Variants in ADAM7 observed in about 807,000 individuals in gnomAD.
ADAM7 encodes ADAM metallopeptidase domain 7.
In ADAM7, 97 loss-of-function variants were observed where a neutral mutation model predicts 102.9. That is an observed-to-expected ratio of 0.94 (90% CI 0.80 to 1.12). The LOEUF is 1.12. Ranked by LOEUF, ADAM7 falls within the 50% of genes most tolerant of loss-of-function variation. The pLI, the probability that ADAM7 is intolerant of heterozygous loss-of-function variation, is 0.00. For synonymous variants in ADAM7, 334 were observed against 304.4 expected, an observed-to-expected ratio of 1.10 and a Z score of -1.01; for missense variants, 991 against 908.7, an observed-to-expected ratio of 1.09 and a Z score of -1.16.
At chr8:24,485,481 A>C in intron 10 of ADAM7, 120 bp downstream of exon 10, 4 of 743,558 alleles carry the variant, frequency 5.4e-6, no homozygotes, top group Non-Finnish European at 8.5e-6. Context: ...AAGATATGTC[A>C]TGAACAGACT....
At chr8:24,493,327 G>A in intron 16 of ADAM7, 98 bp downstream of exon 16, 1 of 1,065,828 alleles carries the variant, frequency 9.4e-7, no homozygotes, top group Non-Finnish European at 1.3e-6. Context: ...TCTAGATATG[G>A]AAAAGGAAAA....
intron 9 of ADAM7, among the ~76,000 whole-genome samples, chr8:24,483,350 A>G (rs563258556): frequency 1.9e-4 from 29 of 152,328 alleles, no homozygotes; most frequent in African/African-American, 6.5e-4. Flanking sequence ...GAGCGATGCC[A>G]TCTTTTAGAA....
intron 16 of ADAM7, among the ~76,000 whole-genome samples, chr8:24,496,964 T>G (rs909228487): frequency 1.3e-5 from 2 of 152,194 alleles, no homozygotes; most frequent in East Asian, 3.9e-4. Context: ...AGGGACGGAA[T>G]GATGTGGTTT....
In ADAM7 at chr8:24,447,261, A is replaced by G; in HGVS notation, c.232A>G (p.Arg78Gly). 2 of 1,511,336 alleles carry G rather than the reference A, an allele frequency of 1.3e-6. No homozygotes were observed. Among genetic ancestry groups the G allele is most frequent in the Non-Finnish European group, 1.8e-6 (2 of 1,106,634 alleles). 93.6% of individuals were successfully genotyped at this position (1,511,336 alleles called of 1,614,324 possible). ...KTLVLHLLRS[R>G]EFLGSNYSET... Reference sequence around the variant, plus strand: ...CTTAGTCCTTCATCTTCTAAGATCCAGGTAAGTTCTATTGTGATTCCAGTA... The same window carrying G: ...CTTAGTCCTTCATCTTCTAAGATCCGGGTAAGTTCTATTGTGATTCCAGTA... The change falls in exon 3 of 22, where the codon AGG (arginine) becomes GGG (glycine). Residue 78 changes from arginine to glycine, a missense_variant and splice_region_variant. Arg to Gly is a moderately radical substitution (Grantham distance 125). Transcript: ENST00000175238.
At chr8:24,489,562 G>A (rs1210657896) in intron 12 of ADAM7, among the ~76,000 whole-genome samples, 1 of 152,148 alleles carries the variant, frequency 6.6e-6, no homozygotes, top group Non-Finnish European at 1.5e-5. Context: ...GAGATCAGCA[G>A]CATCAGCTTT....
chr8:24,444,561 T>C (rs1818483773), intron 2 of ADAM7, among the ~76,000 whole-genome samples: 2 of 152,054 alleles, frequency 1.3e-5, no homozygotes, highest in South Asian at 4.1e-4. Context: ...TTTTCTATTA[T>C]GGCTCTCACC....
intron 7 of ADAM7, among the ~76,000 whole-genome samples, chr8:24,471,477 T>TTTG (rs1554540740): frequency 1.3e-5 from 2 of 151,438 alleles, no homozygotes; most frequent in African/African-American, 4.8e-5. Context: ...TTTTTTTTTT[T>TTTG]GTCATTTATA....
rs777916485 is a variant in ADAM7, at chr8:24,493,128, C to A, written c.1741C>A (p.Pro581Thr). ...GEDKTYHLKD[P>T]QKNATVKCKT... Reference sequence around the variant, plus strand: ...AGACAAGACTTATCACCTTAAGGATCCCCAGAAGAATGCTACTGTCAAATG... The same window carrying A: ...AGACAAGACTTATCACCTTAAGGATACCCAGAAGAATGCTACTGTCAAATG... Residue 581 changes from proline (P) to threonine (T), a missense_variant, in exon 16 of 22, where the codon CCC (proline) becomes ACC (threonine). Transcript: ENST00000175238. The A allele has an allele frequency of 7.4e-6, 12 of 1,613,330 alleles. No individual in the cohort carries two copies. Among genetic ancestry groups the A allele is most frequent in the South Asian group, 1.1e-5 (1 of 90,958 alleles).
chr8:24,450,861 G>T (rs7463259), intron 3 of ADAM7, among the ~76,000 whole-genome samples: 6 of 151,910 alleles, frequency 3.9e-5, no homozygotes, highest in African/African-American at 4.8e-5. Flanking sequence ...TAGCATGAAG[G>T]GTTGTTGAAT....
intron 20 of ADAM7, among the ~76,000 whole-genome samples, chr8:24,505,243 T>C (rs1475281021): frequency 1.3e-5 from 2 of 152,180 alleles, no homozygotes; most frequent in African/African-American, 4.8e-5. Context: ...GGCTGAGTAC[T>C]GCTCAATGAT....
chr8:24,477,784 G>A (rs775235008), intron 8 of ADAM7, among the ~76,000 whole-genome samples: 1 of 150,782 alleles, frequency 6.6e-6, no homozygotes, highest in Non-Finnish European at 1.5e-5. Context: ...CACAGCTTTG[G>A]ACCTTCCCCT....
chr8:24,462,925 A>T (rs571072966), intron 3 of ADAM7, among the ~76,000 whole-genome samples: 16 of 152,274 alleles, frequency 1.1e-4, no homozygotes, highest in African/African-American at 3.6e-4. Context: ...GTTTTCTATT[A>T]ATGTATACCC....
chr8:24,493,702 G>T (rs1460666184), intron 16 of ADAM7, among the ~76,000 whole-genome samples: 1 of 152,146 alleles, frequency 6.6e-6, no homozygotes, highest in Non-Finnish European at 1.5e-5. Context: ...AATGTATATT[G>T]ATGTCTAAAG....
chr8:24,463,942 C>T lies in ADAM7; in HGVS notation c.294C>T (p.Thr98=), dbSNP rs1819337701. The change falls in exon 4 of 22, where the codon ACC becomes ACT. Residue 98 remains threonine (T), a synonymous_variant. Coordinates refer to ENST00000175238, the MANE Select transcript of ADAM7 (RefSeq NM_003817.4). The part of the protein sequence containing the change: ...TFYSMKGEAF[T]RHPQIMDHCF... ...ACTCCATGAAAGGAGAAGCGTTCAC[C>T]AGGCATCCTCAGATCATGGTATCTT... 6.2e-7 allele frequency: 1 copy of T among 1,612,872 alleles called. No individual in the cohort carries two copies. Among genetic ancestry groups the T allele is most frequent in the Non-Finnish European group, 8.5e-7 (1 of 1,179,160 alleles).
At position 24,466,809 on chromosome 8, in the gene ADAM7, A is replaced by G. The variant is rs757498090; in HGVS notation, c.400A>G (p.Arg134Gly). Residue 134 changes from arginine to glycine, a missense_variant, in exon 6 of 22, where the codon AGA becomes GGA. By Grantham distance (125) the Arg-to-Gly change is moderately radical. Coordinates refer to ENST00000175238, the MANE Select transcript of ADAM7 (RefSeq NM_003817.4). The stretch of plus-strand genomic sequence containing the variant: ...TCCCAATTTCTACAGGGGATTCTTC[A>G]GAATAAACGACCAAAGATACCTCAT... ...STCNGLRGFF[R>G]INDQRYLIEP... is the part of the protein sequence containing the mutation. The G allele has an allele frequency of 1.9e-6, 3 of 1,612,468 alleles. No individual in the cohort carries two copies. In the Admixed American group the frequency reaches 5.0e-5, roughly 27 times the overall value.
chr8:24,508,387 T>G (rs1187160356), intron 21 of ADAM7, among the ~76,000 whole-genome samples, 159 bp from the exon 22 acceptor site: 1 of 152,216 alleles, frequency 6.6e-6, no homozygotes, highest in Non-Finnish European at 1.5e-5. Context: ...AACTGCTTAA[T>G]TAGCAATGGC....
rs7836719 is a variant in ADAM7 at position 24,491,846 on chromosome 8, G to A, written c.1357-57G>A. The A allele has an allele frequency of 2.5e-3, 3,568 of 1,403,040 alleles. 77 individuals carry two copies. In the African/African-American group the frequency reaches 0.046, roughly 18 times the overall value. 86.9% of individuals were successfully genotyped at this position (1,403,040 alleles called of 1,614,324 possible). On this transcript the variant is annotated intron_variant, in intron 13 of 21. Transcript: ENST00000175238. ...ATGGGTCAACTTTCTGTCTACTTAC[G>A]AAACCTTACCTACCTAAATGTATCC...
intron 3 of ADAM7, among the ~76,000 whole-genome samples, chr8:24,453,810 G>A (rs1305814015): frequency 6.6e-6 from 1 of 152,150 alleles, no homozygotes; most frequent in African/African-American, 2.4e-5. Flanking sequence ...TGATGATGGT[G>A]ATGTACAGAT....
chr8:24,498,902 T>A (rs1820649565), intron 16 of ADAM7, among the ~76,000 whole-genome samples: 2 of 151,926 alleles, frequency 1.3e-5, no homozygotes, highest in South Asian at 4.2e-4. Context: ...CAAAAGAAAC[T>A]GTTGCAATTA....
Sources: allele counts gnomAD v4.1 joint callset (sites outside exome capture counted in the v4.1 genomes callset), GRCh38; gene constraint gnomAD v4.1.1; transcripts MANE v1.5; gene names NCBI Gene and HGNC (gene_info 2026-07-23, HGNC 2026-07-21).